Variants in FRMD5 observed in about 807,000 individuals in gnomAD.
FRMD5 encodes the protein FERM domain containing 5.
Under a neutral mutation model 69.0 loss-of-function variants are expected in FRMD5, and 20 were observed. That is an observed-to-expected ratio of 0.29 (90% confidence interval 0.20 to 0.42). The LOEUF is 0.42. Ranked by LOEUF, FRMD5 falls within the 10% of genes least tolerant of loss-of-function variation. The pLI is 1.00. For synonymous variants in FRMD5, 271 were observed against 260.1 expected (o/e 1.04, Z -0.40); for missense variants, 595 against 708.6 (o/e 0.84, Z 1.82).
intron 1 of FRMD5, chr15:44,194,201 C>G (rs998873372): frequency 1.3e-5 from 2 of 152,238 alleles, no homozygotes; most frequent in African/African-American, 2.4e-5. Context: ...ATACCAGGTT[C>G]TGAAAGAAAT....
At chr15:44,065,753 A>C (rs767846369) in intron 1 of FRMD5, among the ~76,000 whole-genome samples, 3 of 152,210 alleles carry the variant, frequency 2.0e-5, no homozygotes, top group Non-Finnish European at 4.4e-5. Context: ...ATTTTGTAAG[A>C]AATATTTTTA....
chr15:44,085,126 G>A (rs1409156818), intron 1 of FRMD5, among the ~76,000 whole-genome samples: 1 of 152,106 alleles, frequency 6.6e-6, no homozygotes, highest in Non-Finnish European at 1.5e-5. Context: ...CAATCAGTTT[G>A]TTGTGAATTT....
chr15:44,043,218 G>C (rs1414164403), intron 1 of FRMD5, among the ~76,000 whole-genome samples: 1 of 152,046 alleles, frequency 6.6e-6, no homozygotes, highest in Non-Finnish European at 1.5e-5. Flanking sequence ...AACTTACAAG[G>C]GACATGAAGG....
chr15:43,901,240 C>T (rs910397670), intron 7 of FRMD5, among the ~76,000 whole-genome samples: 8 of 152,206 alleles, frequency 5.3e-5, no homozygotes, highest in African/African-American at 1.9e-4. Flanking sequence ...TATCTCAGAT[C>T]TCCAGCCTCC....
At chr15:44,140,945 G>A (rs539476208) in intron 1 of FRMD5, among the ~76,000 whole-genome samples, 2 of 149,336 alleles carry the variant, frequency 1.3e-5, no homozygotes, top group East Asian at 3.9e-4. Flanking sequence ...GATTCAGCAG[G>A]GTTGCTGGAT....
chr15:44,190,382 T>C (rs2140608649), intron 1 of FRMD5, among the ~76,000 whole-genome samples: 1 of 152,294 alleles, frequency 6.6e-6, no homozygotes, highest in East Asian at 1.9e-4. Context: ...TCTGTAGCTA[T>C]GGTGATCCCT....
chr15:44,096,833 T>C (rs1433996875), intron 1 of FRMD5, among the ~76,000 whole-genome samples: 1 of 152,150 alleles, frequency 6.6e-6, no homozygotes. Context: ...CACCACTCTG[T>C]ATTCCAGCTG....
intron 7 of FRMD5, among the ~76,000 whole-genome samples, chr15:43,898,149 A>T (rs1170477573): frequency 6.6e-6 from 1 of 152,234 alleles, no homozygotes; most frequent in Non-Finnish European, 1.5e-5. Flanking sequence ...ATTGGCAATG[A>T]GTTGTGCTTA....
rs138068933 is a variant in FRMD5, at chr15:44,095,327, C to T, written c.102+99626G>A. ...AAGAGAGCCTCCTGCCTCAGTTTCC[C>T]GAGTAGCTGGGACCACAGACATGCA... On this transcript the variant is annotated intron_variant, in intron 1 of 13. Coordinates refer to ENST00000417257, the MANE Select transcript of FRMD5 (RefSeq NM_032892.5). 2.3e-3 allele frequency among the ~76,000 whole-genome samples: 350 copies of T among 152,106 alleles called. 8 individuals carry two copies. The East Asian group carries it at 0.058, about 25-fold the overall frequency.
rs2088257709 is a variant in FRMD5, at chr15:43,874,274, G to A, written c.1324C>T (p.Leu442=). The change falls in exon 14 of 14, where the codon CTG becomes TTG. Residue 442 remains leucine, a synonymous_variant. Transcript: ENST00000417257. ...PTPVAEHSLE[L]MLLSRQINGA... ...TTGATCTGCCGGGAAAGCAACATCA[G>A]CTCCAGGCTGTGCTCAGCCACAGGG... 6.2e-7 allele frequency: 1 copy of A among 1,614,222 alleles called. No homozygotes were observed. Among genetic ancestry groups the A allele is most frequent in the African/African-American group, 1.3e-5 (1 of 75,062 alleles).
intron 1 of FRMD5, among the ~76,000 whole-genome samples, chr15:44,188,688 C>A (rs962180439): frequency 2.0e-5 from 3 of 152,098 alleles, no homozygotes; most frequent in African/African-American, 7.2e-5. Context: ...CTTTGAGAGG[C>A]CTCACAATTT....
intron 1 of FRMD5, among the ~76,000 whole-genome samples, chr15:43,968,646 T>TAAA (rs2090331181): frequency 6.6e-6 from 1 of 152,238 alleles, no homozygotes; most frequent in Non-Finnish European, 1.5e-5. Flanking sequence ...CTATCTACTT[T>TAAA]ATTCTACTAT....
chr15:44,184,718 C>A (rs1166687145), intron 1 of FRMD5, among the ~76,000 whole-genome samples: 1 of 152,058 alleles, frequency 6.6e-6, no homozygotes. Context: ...GAAGGGCTAT[C>A]TTGTTCAGGA....
At chr15:43,891,360 A>T (rs1173249006) in intron 8 of FRMD5, among the ~76,000 whole-genome samples, 1 of 152,096 alleles carries the variant, frequency 6.6e-6, no homozygotes, top group African/African-American at 2.4e-5. Flanking sequence ...ATGGGAGTGG[A>T]GAAGGGAGGG....
intron 1 of FRMD5, among the ~76,000 whole-genome samples, chr15:43,991,069 A>T (rs886180237): frequency 8.5e-5 from 13 of 152,208 alleles, no homozygotes; most frequent in Non-Finnish European, 1.9e-4. Flanking sequence ...GTTCTTATCC[A>T]ATTAGAATGG....
At position 43,885,708 on chromosome 15, in the gene FRMD5, A is replaced by T; in HGVS notation, c.932T>A (p.Phe311Tyr). ...QVRTVSSSNL[F>Y]FKGSRFRYSG... The stretch of plus-strand genomic sequence containing the variant: ...GTATCGGAACCGGCTCCCTTTAAAG[A>T]ATAAATTGCTGCTGGACACTGTGCG... The change falls in exon 11 of 14, where the codon TTC becomes TAC. Residue 311 changes from phenylalanine to tyrosine, a missense_variant. Transcript: ENST00000417257. 1 of 1,614,150 alleles carries T rather than the reference A, an allele frequency of 6.2e-7. No individual in the cohort carries two copies. The highest frequency in any genetic ancestry group is 8.5e-7 in the Non-Finnish European group (1 of 1,180,008).
chr15:43,896,893 G>C lies in FRMD5; in HGVS notation c.640-4824C>G, dbSNP rs532829382. Among the ~76,000 whole-genome samples the C allele has an allele frequency of 5.6e-4, 85 of 152,322 alleles. 1 individual carries two copies. Among genetic ancestry groups the C allele is most frequent in the Non-Finnish European group, 9.4e-4 (64 of 68,034 alleles). On this transcript the variant is annotated intron_variant, in intron 7 of 13. Coordinates refer to ENST00000417257, the MANE Select transcript of FRMD5 (RefSeq NM_032892.5). Reference sequence around the variant, plus strand: ...ACGCCCATTTCTGAAAGAGCTCACAGTTGGGAAGCTGAAGTCAGTCATGAA... The same window carrying C: ...ACGCCCATTTCTGAAAGAGCTCACACTTGGGAAGCTGAAGTCAGTCATGAA...
intron 1 of FRMD5, among the ~76,000 whole-genome samples, chr15:44,130,317 G>A (rs945200995): frequency 1.3e-5 from 2 of 152,102 alleles, no homozygotes; most frequent in Non-Finnish European, 2.9e-5. Context: ...TTTTCCCCAC[G>A]GTGGCAAAGT....
intron 1 of FRMD5, among the ~76,000 whole-genome samples, chr15:44,184,362 T>C (rs1477207805): frequency 1.3e-5 from 2 of 152,230 alleles, no homozygotes; most frequent in Non-Finnish European, 2.9e-5. Context: ...CCCAAGGTTT[T>C]CAGGAATCTT....
Sources: gnomAD v4.1 joint callset for allele counts (sites outside exome capture counted in the v4.1 genomes callset) on GRCh38, gnomAD v4.1.1 for gene constraint, MANE v1.5 for transcripts, NCBI Gene and HGNC (gene_info 2026-07-23, HGNC 2026-07-21) for gene names.